COPA: variants seen among roughly 807,000 people sequenced by gnomAD.
The protein encoded by COPA is coat protein complex I subunit alpha, also known as coatomer subunit alpha.
COPA carries 10 observed loss-of-function variants against 158.7 expected under a neutral mutation model. That is an observed-to-expected ratio of 0.06 (90% CI 0.04 to 0.11). COPA has a LOEUF of 0.11. Among genes scored for constraint, COPA ranks in the 10% least tolerant of loss-of-function variants. The pLI, the probability that COPA is intolerant of heterozygous loss-of-function variation, is 1.00. For missense variants in COPA, 1,065 were observed against 1,536.7 expected, an observed-to-expected ratio of 0.69 and a Z score of 5.13; for synonymous variants, 462 against 542.8, an observed-to-expected ratio of 0.85 and a Z score of 2.07.
intron 7 of COPA, 23 bp downstream of exon 7, chr1:160,325,519 GC>G (rs765487805): frequency 3.8e-6 from 6 of 1,577,074 alleles, no homozygotes; most frequent in Non-Finnish European, 5.2e-6. Context: ...CCCATATTCA[GC>G]CCCTGGCTAT....
Position 160,333,679 on chromosome 1 carries a change from C to G in COPA, c.310G>C (p.Glu104Gln). 6.2e-7 allele frequency: 1 copy of G among 1,610,534 alleles called. No homozygotes were observed. The highest frequency in any genetic ancestry group is 8.5e-7 in the Non-Finnish European group (1 of 1,177,350). ...GAGGCACTCAGAATCCAGGGATATT[C>G]CTGAAAGATATTCCAGACAAAGGCT... ...DYIRTTFFHHEYPWILSASDD... is the reference protein window; with the variant it reads ...DYIRTTFFHHQYPWILSASDD... The change falls in exon 5 of 33, where the codon GAA becomes CAA. Residue 104 changes from glutamate to glutamine, a missense_variant and splice_region_variant. Physicochemically the swap from Glu to Gln is conservative, Grantham distance 29. This residue lies in a region of COPA where 85 missense variants were observed against 178.9 expected (regional missense o/e 0.48). Coordinates refer to ENST00000241704, the MANE Select transcript of COPA (RefSeq NM_004371.4).
chr1:160,338,248 T>C (rs1354668354), intron 3 of COPA, among the ~76,000 whole-genome samples: 1 of 152,250 alleles, frequency 6.6e-6, no homozygotes, highest in Non-Finnish European at 1.5e-5. Context: ...GATATCCTTA[T>C]GGGCTTTTGA....
At position 160,290,015 on chromosome 1, in the gene COPA, A is replaced by G; in HGVS notation, c.*142T>C. ...TTTAGACCTTCGGATTTTCCATAGA[A>G]GAGAAAAAGATACTAGGTTTTAGGG... On this transcript the variant is annotated 3_prime_UTR_variant, in exon 33 of 33. Coordinates refer to ENST00000241704, the MANE Select transcript of COPA (RefSeq NM_004371.4). 2 of 771,844 alleles carry G rather than the reference A, an allele frequency of 2.6e-6. No homozygotes were observed. Among genetic ancestry groups the G allele is most frequent in the Non-Finnish European group, 4.3e-6 (2 of 469,084 alleles). The allele number at this position is 771,844 out of a possible 1,614,324, so 47.8% of individuals were successfully genotyped here. A position where few individuals can be genotyped will look rare whatever the true frequency, so the allele number is the denominator to read the frequency against.
rs776301908 is a variant in COPA at position 160,295,784 on chromosome 1, A to G, written c.2428T>C (p.Leu810=). 2 of 1,613,076 alleles carry G rather than the reference A, an allele frequency of 1.2e-6. No homozygotes were observed. The highest frequency in any genetic ancestry group is 1.7e-6 in the Non-Finnish European group (2 of 1,179,746). Residue 810 remains leucine (L), a synonymous_variant, in exon 23 of 33, where the codon TTA becomes CTA. Transcript: ENST00000241704. ...PIMPLDTNWP[L]LTVSKGFFEG... ...AAAAATCCTTTGGATACAGTCAATA[A>G]AGGCCAATTGGTATCCAATGGCATG...
chr1:160,320,792 TAAAAA>T (rs143294298), intron 8 of COPA, among the ~76,000 whole-genome samples: 3,476 of 89,196 alleles, frequency 0.039, 166 homozygotes, highest in African/African-American at 0.13. Context: ...TTCAAACTCT[TAAAAA>T]AAAAAAAAAA....
Position 160,314,043 on chromosome 1 carries a change from C to A in COPA, c.789G>T (p.Leu263Phe). Residue 263 changes from leucine (L) to phenylalanine (F), a missense_variant, in exon 9 of 33, where the codon TTG becomes TTT. Leu to Phe is a conservative substitution (Grantham distance 22). Around this residue, in one of 2 missense-constraint regions of COPA, gnomAD observed 980 missense variants for 1,357.8 expected, o/e 0.72. Transcript: ENST00000241704. ...SCAVFHPRQE[L>F]ILSNSEDKSI... ...TCTTGTCCTCAGAATTGCTGAGGAT[C>A]AACTCTTGGCGAGGGTGGAAGACGG... 1 of 1,614,014 alleles carries A rather than the reference C, an allele frequency of 6.2e-7. No homozygotes were observed. The highest frequency in any genetic ancestry group is 8.5e-7 in the Non-Finnish European group (1 of 1,179,980).
Position 160,307,245 on chromosome 1 carries a change from G to T in COPA, c.1220C>A (p.Ala407Glu). Residue 407 changes from alanine to glutamate, a missense_variant and splice_region_variant, in exon 14 of 33, where the codon GCG (alanine) becomes GAG (glutamate). Transcript: ENST00000241704. Reference protein sequence around the residue: ...PKDADSQNPDAPEGKRSSGLT... With the variant: ...PKDADSQNPDEPEGKRSSGLT... ...GCCTGAGGATCGTTTCCCTTCAGGC[G>T]CTGAGAAGAACAAAACCAAAGGGTG... 1 of 1,614,122 alleles carries T rather than the reference G, an allele frequency of 6.2e-7. No homozygotes were observed. The highest frequency in any genetic ancestry group is 8.5e-7 in the Non-Finnish European group (1 of 1,179,962).
intron 25 of COPA, 125 bp from the exon 26 acceptor site, chr1:160,293,588 A>G (rs927029361): frequency 1.7e-5 from 12 of 706,406 alleles, no homozygotes; most frequent in East Asian, 1.5e-4. Context: ...TCTGCCTCCC[A>G]TGCTCAAGCA....
Position 160,293,549 on chromosome 1 carries a change from C to T in COPA, c.2677-86G>A, listed in dbSNP as rs113323409. On this transcript the variant is annotated intron_variant, in intron 25 of 32. Coordinates refer to ENST00000241704, the MANE Select transcript of COPA (RefSeq NM_004371.4). The stretch of plus-strand genomic sequence containing the variant: ...ACACTCTGTCACCTAGACTGGAGTA[C>T]AGAGGCATGATCTCGGCACACTGCA... The T allele has an allele frequency of 7.4e-5, 78 of 1,058,104 alleles. 2 individuals carry two copies. The African/African-American group carries it at 7.7e-4, about 10-fold the overall frequency. 65.5% of individuals were successfully genotyped at this position (1,058,104 alleles called of 1,614,324 possible). A position where few individuals can be genotyped will look rare whatever the true frequency, so the allele number is the denominator to read the frequency against.
chr1:160,335,181 A>C, intron 4 of COPA, 61 bp downstream of exon 4: 1 of 1,449,482 alleles, frequency 6.9e-7, no homozygotes, highest in East Asian at 2.4e-5. Flanking sequence ...CAAGGATCAA[A>C]TAAAGATTAC....
intron 8 of COPA, 27 bp downstream of exon 8, chr1:160,323,404 T>A: frequency 6.4e-7 from 1 of 1,560,826 alleles, no homozygotes; most frequent in Middle Eastern, 1.7e-4. Flanking sequence ...TTCTTAGATA[T>A]GGCGATAATG....
In COPA at chr1:160,293,379, C is replaced by T. The variant is rs750013875; in HGVS notation, c.2754+7G>A. 4.8e-5 allele frequency: 77 copies of T among 1,613,408 alleles called. No homozygotes were observed. The highest frequency in any genetic ancestry group is 6.0e-5 in the Non-Finnish European group (71 of 1,179,732). Reference sequence around the variant, plus strand: ...ATCCCTGCCGTGCTAGGTTTCTTCCCGCTTACCTGAGTTGGACTTGTTCCC... The same window carrying T: ...ATCCCTGCCGTGCTAGGTTTCTTCCTGCTTACCTGAGTTGGACTTGTTCCC... On this transcript the variant is annotated splice_region_variant and intron_variant, in intron 26 of 32. Transcript: ENST00000241704.
chr1:160,290,029 T>G lies in COPA; in HGVS notation c.*128A>C. ...TTTTCCATAGAAGAGAAAAAGATAC[T>G]AGGTTTTAGGGTACAGAGAGCCAGA... On this transcript the variant is annotated 3_prime_UTR_variant, in exon 33 of 33. Transcript: ENST00000241704. The G allele has an allele frequency of 1.2e-6, 1 of 844,278 alleles. No individual in the cohort carries two copies. The highest frequency in any genetic ancestry group is 1.9e-6 in the Non-Finnish European group (1 of 531,384). 52.3% of individuals were successfully genotyped at this position (844,278 alleles called of 1,614,324 possible). A position where few individuals can be genotyped will look rare whatever the true frequency, so the allele number is the denominator to read the frequency against.
At chr1:160,326,419 T>G (rs1451642255) in intron 6 of COPA, among the ~76,000 whole-genome samples, 1 of 152,100 alleles carries the variant, frequency 6.6e-6, no homozygotes, top group Non-Finnish European at 1.5e-5. Flanking sequence ...CCCAGCTACT[T>G]GGGAGGCTGA....
intron 26 of COPA, 71 bp from the exon 27 acceptor site, chr1:160,293,305 T>C: frequency 6.2e-7 from 1 of 1,610,326 alleles, no homozygotes; most frequent in Non-Finnish European, 8.5e-7. Flanking sequence ...GTAACTATAG[T>C]AGAAAAGTAG....
intron 14 of COPA, 101 bp from the exon 15 acceptor site, chr1:160,306,594 C>CT: frequency 6.8e-7 from 1 of 1,471,104 alleles, no homozygotes; most frequent in Admixed American, 1.7e-5. Flanking sequence ...CTTCAATTAA[C>CT]TAAGTATTTT....
At chr1:160,309,291 T>A in intron 12 of COPA, 115 bp from the exon 13 acceptor site, 1 of 765,794 alleles carries the variant, frequency 1.3e-6, no homozygotes, top group South Asian at 1.6e-5. Flanking sequence ...TCTGAAACCA[T>A]ACTTTTCTTA....
chr1:160,288,891 T>C lies in COPA; in HGVS notation c.*1266A>G, dbSNP rs1447848328. 6.6e-6 allele frequency among the ~76,000 whole-genome samples: 1 copy of C among 152,198 alleles called. No individual in the cohort carries two copies. The highest frequency in any genetic ancestry group is 1.5e-5 in the Non-Finnish European group (1 of 68,030). Reference sequence around the variant, plus strand: ...TAAAAGGCTGCAATCAAAAACAGAATAAGGGAGCTACTTGCTTTCTATCAT... The same window carrying C: ...TAAAAGGCTGCAATCAAAAACAGAACAAGGGAGCTACTTGCTTTCTATCAT... On this transcript the variant is annotated 3_prime_UTR_variant, in exon 33 of 33. Transcript: ENST00000241704.
Position 160,291,959 on chromosome 1 carries a change from G to A in COPA, c.3148-30C>T. The A allele has an allele frequency of 2.5e-6, 4 of 1,614,172 alleles. No individual in the cohort carries two copies. In the South Asian group the frequency reaches 4.4e-5, roughly 18 times the overall value. On this transcript the variant is annotated intron_variant, in intron 29 of 32. Coordinates refer to ENST00000241704, the MANE Select transcript of COPA (RefSeq NM_004371.4). ...AGAGGGGGCAGAAGGTCAGGATACAGAGACAAGAATGTGGAAGTGCCCAGA... is the reference window on the plus strand; with the variant it reads ...AGAGGGGGCAGAAGGTCAGGATACAAAGACAAGAATGTGGAAGTGCCCAGA...
Sources: allele counts gnomAD v4.1 joint callset (sites outside exome capture counted in the v4.1 genomes callset), GRCh38; gene constraint gnomAD v4.1.1; regional missense constraint gnomAD v4.1.1; transcripts MANE v1.5; gene names NCBI Gene and HGNC (gene_info 2026-07-23, HGNC 2026-07-21).